Variants in EFR3A observed in about 807,000 individuals in gnomAD.
The protein encoded by EFR3A is protein EFR3 homolog A.
EFR3A carries 76 observed loss-of-function variants against 104.4 expected under a neutral mutation model. The observed-to-expected ratio is 0.73, with a 90% CI of 0.60 to 0.88. The LOEUF is 0.88. Ranked by LOEUF, EFR3A falls within the 40% of genes least tolerant of loss-of-function variation. The probability of loss-of-function intolerance (pLI) is 0.00; values close to 1 mark genes in which losing one functional copy is unlikely to be tolerated. For synonymous variants in EFR3A, 330 were observed against 330.0 expected (o/e 1.00, Z 0.00); for missense variants, 985 against 1,012.5 (o/e 0.97, Z 0.37).
At chr8:131,969,093 A>C (rs897361115) in intron 9 of EFR3A, among the ~76,000 whole-genome samples, 4 of 152,316 alleles carry the variant, frequency 2.6e-5, no homozygotes, top group Non-Finnish European at 4.4e-5. Flanking sequence ...TTGCCCTTGC[A>C]TGGAAGCAGT....
intron 3 of EFR3A, among the ~76,000 whole-genome samples, chr8:131,946,271 A>G (rs140206975): frequency 6.6e-6 from 1 of 152,118 alleles, no homozygotes; most frequent in South Asian, 2.1e-4. Context: ...AATACAGTGT[A>G]TATTTTCTGT....
chr8:131,952,390 A>G (rs928129316), intron 5 of EFR3A, among the ~76,000 whole-genome samples: 7 of 151,962 alleles, frequency 4.6e-5, no homozygotes, highest in East Asian at 1.9e-4. Flanking sequence ...GTTAGATCTG[A>G]ATTGGATGAA....
chr8:131,929,351 T>C (rs1271504806), intron 1 of EFR3A, among the ~76,000 whole-genome samples: 1 of 152,178 alleles, frequency 6.6e-6, no homozygotes, highest in Non-Finnish European at 1.5e-5. Flanking sequence ...AACTTTATGC[T>C]TACTTTCAAA....
chr8:131,962,585 C>A (rs574071808), intron 8 of EFR3A, among the ~76,000 whole-genome samples: 1 of 152,136 alleles, frequency 6.6e-6, no homozygotes, highest in Non-Finnish European at 1.5e-5. Flanking sequence ...TAGAAAGAGA[C>A]GTAGACTCCC....
At position 131,984,938 on chromosome 8, in the gene EFR3A, A is replaced by T; in HGVS notation, c.1747A>T (p.Ile583Phe). ...RLAIALQDSA[I>F]INEDNLPMFH... is the part of the protein sequence containing the mutation. Reference sequence around the variant, plus strand: ...TTGTTTCTTATTAAAGGACAGTGCAATTATCAATGAGGATAATTTGCCAAT... The same window carrying T: ...TTGTTTCTTATTAAAGGACAGTGCATTTATCAATGAGGATAATTTGCCAAT... The change falls in exon 16 of 23, where the codon ATT (isoleucine) becomes TTT (phenylalanine). Residue 583 changes from isoleucine to phenylalanine, a missense_variant. Ile to Phe is a conservative substitution (Grantham distance 21). Transcript: ENST00000254624. 1 of 1,613,352 alleles carries T rather than the reference A, an allele frequency of 6.2e-7. No homozygotes were observed. The highest frequency in any genetic ancestry group is 8.5e-7 in the Non-Finnish European group (1 of 1,179,540).
intron 5 of EFR3A, among the ~76,000 whole-genome samples, chr8:131,950,733 A>C (rs543704673): frequency 6.6e-5 from 10 of 152,256 alleles, no homozygotes; most frequent in Non-Finnish European, 1.5e-4. Context: ...CTCAGTTAGT[A>C]CTTTTTGAGT....
chr8:131,916,723 T>C (rs988271371), intron 1 of EFR3A, among the ~76,000 whole-genome samples: 1 of 152,240 alleles, frequency 6.6e-6, no homozygotes, highest in Non-Finnish European at 1.5e-5. Context: ...ATGAGAGTTA[T>C]GCAAGACTCA....
intron 2 of EFR3A, among the ~76,000 whole-genome samples, chr8:131,940,959 A>G (rs1213978175): frequency 6.6e-6 from 1 of 152,090 alleles, no homozygotes; most frequent in Non-Finnish European, 1.5e-5. Flanking sequence ...ATGCACATAT[A>G]TAAGTAAATT....
intron 7 of EFR3A, among the ~76,000 whole-genome samples, chr8:131,956,661 T>G (rs1033399330): frequency 6.6e-6 from 1 of 152,148 alleles, no homozygotes; most frequent in Admixed American, 6.5e-5. Context: ...GAATTCTTTA[T>G]TTAGGACAGA....
chr8:132,010,932 CCTAAAAATTAA>C lies in EFR3A; in HGVS notation c.*38_*48del. On this transcript the variant is annotated 3_prime_UTR_variant, in exon 23 of 23. Coordinates refer to ENST00000254624, the MANE Select transcript of EFR3A (RefSeq NM_015137.6). ...AGACCTCAGGATATGATTTGTAAAG[CCTAAAAATTAA>C]GGCCAAGCTGAGCTTTCAGGGTTTA... The C allele has an allele frequency of 6.5e-7, 1 of 1,534,326 alleles. No individual in the cohort carries two copies. The highest frequency in any genetic ancestry group is 8.9e-7 in the Non-Finnish European group (1 of 1,125,106).
chr8:131,957,179 A>C (rs1283813000), intron 7 of EFR3A, among the ~76,000 whole-genome samples: 3 of 152,158 alleles, frequency 2.0e-5, no homozygotes, highest in Admixed American at 6.6e-5. Context: ...TGCCCTCTGC[A>C]AGTGAGGTGC....
chr8:131,988,362 A>G (rs971783975), intron 18 of EFR3A, among the ~76,000 whole-genome samples: 5 of 152,072 alleles, frequency 3.3e-5, no homozygotes, highest in Non-Finnish European at 7.4e-5. Context: ...CTTTGGGGAT[A>G]CCTCTGTTCT....
intron 1 of EFR3A, among the ~76,000 whole-genome samples, chr8:131,932,000 C>A (rs1443362187): frequency 6.6e-6 from 1 of 152,052 alleles, no homozygotes; most frequent in African/African-American, 2.4e-5. Flanking sequence ...GATAGCACCC[C>A]CCAGCCACTC....
chr8:131,917,978 G>A (rs1427863434), intron 1 of EFR3A, among the ~76,000 whole-genome samples: 1 of 152,128 alleles, frequency 6.6e-6, no homozygotes, highest in Admixed American at 6.5e-5. Flanking sequence ...TGACCACAGT[G>A]TGTGTTTGTG....
chr8:131,911,549 A>T (rs1347571312), intron 1 of EFR3A, among the ~76,000 whole-genome samples: 1 of 152,206 alleles, frequency 6.6e-6, no homozygotes. Flanking sequence ...CCAAGGGTAA[A>T]GTTCCCCTTT....
chr8:132,006,281 G>T (rs767580166), intron 22 of EFR3A, among the ~76,000 whole-genome samples: 2 of 152,022 alleles, frequency 1.3e-5, no homozygotes, highest in Non-Finnish European at 2.9e-5. Flanking sequence ...CTAAAAGTTT[G>T]TTCTTTGAAA....
chr8:131,979,715 G>A (rs1308233081), intron 14 of EFR3A, among the ~76,000 whole-genome samples: 4 of 152,138 alleles, frequency 2.6e-5, no homozygotes, highest in Admixed American at 1.3e-4. Context: ...AAAAACACAC[G>A]TACTGATTCC....
chr8:131,927,512 ATAT>A (rs1394396888), intron 1 of EFR3A, among the ~76,000 whole-genome samples: 1 of 152,100 alleles, frequency 6.6e-6, no homozygotes, highest in African/African-American at 2.4e-5. Flanking sequence ...GAAAAGTTAA[ATAT>A]TATTATTTTA....
At chr8:131,961,718 G>A (rs1480534390) in intron 8 of EFR3A, among the ~76,000 whole-genome samples, 1 of 152,120 alleles carries the variant, frequency 6.6e-6, no homozygotes, top group Non-Finnish European at 1.5e-5. Context: ...ATGCCACAAA[G>A]ATACTCCTCG....
Sources: allele counts gnomAD v4.1 joint callset (sites outside exome capture counted in the v4.1 genomes callset), GRCh38; gene constraint gnomAD v4.1.1; transcripts MANE v1.5; gene names NCBI Gene and HGNC (gene_info 2026-07-23, HGNC 2026-07-21).